ZFHX3: variants seen among roughly 807,000 people sequenced by gnomAD.
ZFHX3 encodes zinc finger homeobox 3, also known as zinc finger homeobox protein 3.
Under a neutral mutation model 279.1 loss-of-function variants are expected in ZFHX3, and 42 were observed. The observed-to-expected ratio is 0.15, with a 90% CI of 0.12 to 0.19. The LOEUF (loss-of-function observed/expected upper bound fraction) is 0.19. Ranked by LOEUF, ZFHX3 falls within the 10% of genes least tolerant of loss-of-function variation. ZFHX3 has a pLI of 1.00. For missense variants in ZFHX3, 4,981 were observed against 4,754.0 expected (o/e 1.05, Z -1.40); for synonymous variants, 2,293 against 1,957.8 (o/e 1.17, Z -4.52).
At chr16:73,140,873 A>C (rs1488900652) in intron 6 of ZFHX3, among the ~76,000 whole-genome samples, 1 of 152,016 alleles carries the variant, frequency 6.6e-6, no homozygotes, top group African/African-American at 2.4e-5. Flanking sequence ...ACAAACAAGC[A>C]AAAAAACACG....
At chr16:73,453,759 A>T (rs1452549842) in intron 3 of ZFHX3, among the ~76,000 whole-genome samples, 1 of 152,226 alleles carries the variant, frequency 6.6e-6, no homozygotes, top group South Asian at 2.1e-4. Flanking sequence ...AGGCTTCACA[A>T]TCATGGTGGA....
chr16:72,954,992 C>A (rs777398781), intron 2 of ZFHX3, among the ~76,000 whole-genome samples: 3 of 152,124 alleles, frequency 2.0e-5, no homozygotes, highest in African/African-American at 7.2e-5. Context: ...GGAAAAAAAA[C>A]CAGTACAGCC....
chr16:72,951,725 T>A (rs1961010393), intron 2 of ZFHX3, among the ~76,000 whole-genome samples: 1 of 152,188 alleles, frequency 6.6e-6, no homozygotes, highest in African/African-American at 2.4e-5. Flanking sequence ...GGAACCAGAA[T>A]TGGGCCCAGA....
chr16:73,607,005 C>A (rs145005917), intron 2 of ZFHX3, among the ~76,000 whole-genome samples: 3,986 of 152,134 alleles, frequency 0.026, 87 homozygotes, highest in South Asian at 0.048. Flanking sequence ...ACAACAACAA[C>A]AAAAACAAAT....
At chr16:73,864,228 G>T (rs1358698800) in intron 1 of ZFHX3, among the ~76,000 whole-genome samples, 2 of 152,286 alleles carry the variant, frequency 1.3e-5, no homozygotes, top group East Asian at 3.9e-4. Flanking sequence ...TTCCAAGTCT[G>T]ATTTCTATAG....
intron 3 of ZFHX3, among the ~76,000 whole-genome samples, chr16:73,411,075 C>T (rs967108846): frequency 5.3e-5 from 8 of 152,166 alleles, no homozygotes; most frequent in Admixed American, 1.3e-4. Flanking sequence ...GAATATGTCA[C>T]GGATGGCCAC....
chr16:73,212,098 A>G (rs1362352308), intron 5 of ZFHX3, among the ~76,000 whole-genome samples: 2 of 152,024 alleles, frequency 1.3e-5, no homozygotes, highest in Non-Finnish European at 2.9e-5. Context: ...CTCTCTTTTT[A>G]AAGAAGTTTC....
chr16:73,194,785 A>G (rs1250145375), intron 5 of ZFHX3, among the ~76,000 whole-genome samples: 2 of 152,124 alleles, frequency 1.3e-5, no homozygotes, highest in Non-Finnish European at 2.9e-5. Context: ...TTCCATGGCA[A>G]TTGTGAATAG....
chr16:73,187,568 G>A (rs1339230574), intron 5 of ZFHX3, among the ~76,000 whole-genome samples: 1 of 152,208 alleles, frequency 6.6e-6, no homozygotes, highest in Non-Finnish European at 1.5e-5. Context: ...AGAAGTGAAT[G>A]TGCTGCTGGC....
chr16:73,663,018 T>C (rs531262569), intron 2 of ZFHX3, among the ~76,000 whole-genome samples: 10 of 152,260 alleles, frequency 6.6e-5, no homozygotes, highest in African/African-American at 2.2e-4. Context: ...AAAGCTGCTA[T>C]AGGCATACTC....
At chr16:73,172,931 GTTT>G (rs376709821) in intron 5 of ZFHX3, among the ~76,000 whole-genome samples, 2 of 97,156 alleles carry the variant, frequency 2.1e-5, no homozygotes, top group African/African-American at 4.0e-5. Flanking sequence ...GCTGCCTGTG[GTTT>G]TTTTTTTTTT....
intron 2 of ZFHX3, among the ~76,000 whole-genome samples, chr16:73,665,114 A>T (rs2052823070): frequency 6.6e-6 from 1 of 152,180 alleles, no homozygotes; most frequent in African/African-American, 2.4e-5. Context: ...ATGAATACAA[A>T]AGTAAGTAAT....
At chr16:73,147,037 T>C (rs1436353082) in intron 5 of ZFHX3, among the ~76,000 whole-genome samples, 1 of 152,196 alleles carries the variant, frequency 6.6e-6, no homozygotes, top group Admixed American at 6.5e-5. Flanking sequence ...GGAAATGAAC[T>C]GGAATTGTTT....
At chr16:73,369,109 G>A (rs971477753) in intron 3 of ZFHX3, among the ~76,000 whole-genome samples, 2 of 152,172 alleles carry the variant, frequency 1.3e-5, no homozygotes, top group Non-Finnish European at 2.9e-5. Flanking sequence ...CTCAGTAAAC[G>A]AAAGCATTAT....
chr16:73,267,389 G>A (rs1002495216), intron 4 of ZFHX3, among the ~76,000 whole-genome samples: 11 of 152,084 alleles, frequency 7.2e-5, no homozygotes, highest in Non-Finnish European at 1.3e-4. Context: ...AGGTTTCAGC[G>A]GGGAGAGTAC....
intron 3 of ZFHX3, among the ~76,000 whole-genome samples, chr16:73,350,367 C>T (rs1315326044): frequency 4.6e-5 from 7 of 152,138 alleles, no homozygotes; most frequent in South Asian, 4.1e-4. Context: ...ACAGTGTGCA[C>T]GGCCCTACTT....
chr16:73,861,650 G>T (rs956262008), intron 1 of ZFHX3, among the ~76,000 whole-genome samples: 2 of 152,064 alleles, frequency 1.3e-5, no homozygotes, highest in Non-Finnish European at 2.9e-5. Flanking sequence ...CCTGATTTGG[G>T]GTAAATCTGA....
upstream of ZFHX3, among the ~76,000 whole-genome samples, chr16:73,052,840 G>A (rs941763056): frequency 9.9e-5 from 15 of 152,164 alleles, no homozygotes; most frequent in East Asian, 3.9e-4. Flanking sequence ...AAGGCGATGC[G>A]TACACAAGGG....
chr16:73,312,052 T>C (rs372432942), intron 4 of ZFHX3, among the ~76,000 whole-genome samples: 1 of 152,154 alleles, frequency 6.6e-6, no homozygotes, highest in South Asian at 2.1e-4. Flanking sequence ...AATGCAGTGG[T>C]GTGTGACGTA....
Sources: allele counts gnomAD v4.1 joint callset (sites outside exome capture counted in the v4.1 genomes callset), GRCh38; gene constraint gnomAD v4.1.1; transcripts MANE v1.5; gene names NCBI Gene and HGNC (gene_info 2026-07-23, HGNC 2026-07-21).